CCDC73: variants seen among roughly 807,000 people sequenced by gnomAD.
CCDC73 encodes coiled-coil domain-containing protein 73.
In CCDC73, 95 loss-of-function variants were observed where a neutral mutation model predicts 116.5. That is an observed-to-expected ratio of 0.82 (90% CI 0.69 to 0.97). The LOEUF (loss-of-function observed/expected upper bound fraction) is 0.97, where lower values mean the gene tolerates loss of function less well. Among genes scored for constraint, CCDC73 ranks in the 50% least tolerant of loss-of-function variants. The pLI, the probability that CCDC73 is intolerant of heterozygous loss-of-function variation, is 0.00. For synonymous variants in CCDC73, 398 were observed against 401.3 expected (o/e 0.99, Z 0.10); for missense variants, 1,066 against 1,206.8 (o/e 0.88, Z 1.73).
the CCDC73 span, among the ~76,000 whole-genome samples, chr11:32,820,319 AT>A: frequency 2.0e-5 from 3 of 151,452 alleles, no homozygotes; most frequent in East Asian, 5.8e-4. Context: ...CGCCCCACTA[AT>A]TTTTCAGTTT....
intron 2 of CCDC73, chr11:32,758,460 A>G (rs1404736834): frequency 4.3e-6 from 2 of 468,450 alleles, no homozygotes; most frequent in African/African-American, 4.0e-5. Flanking sequence ...TAAAGTTCTT[A>G]TGAGGTTATC....
chr11:32,826,703 C>T, the CCDC73 span, among the ~76,000 whole-genome samples: 4 of 150,868 alleles, frequency 2.7e-5, no homozygotes, highest in African/African-American at 4.9e-5. Flanking sequence ...ACTACTTGGC[C>T]GATGACTATT....
intron 13 of CCDC73, among the ~76,000 whole-genome samples, chr11:32,637,262 CG>C (rs929055050): frequency 1.3e-5 from 2 of 151,974 alleles, no homozygotes; most frequent in African/African-American, 4.8e-5. Flanking sequence ...CCGCCCACCT[CG>C]GCCTCCCAAA....
chr11:32,772,234 G>T (rs75033470), intron 1 of CCDC73, among the ~76,000 whole-genome samples: 4,538 of 152,044 alleles, frequency 0.03, 85 homozygotes, highest in Non-Finnish European at 0.04. Context: ...TTTTCTCCAA[G>T]TTCCTTTTCT....
At chr11:32,635,035 T>G (rs1018545600) in intron 14 of CCDC73, among the ~76,000 whole-genome samples, 1 of 152,172 alleles carries the variant, frequency 6.6e-6, no homozygotes, top group Non-Finnish European at 1.5e-5. Flanking sequence ...TCCCAAGACA[T>G]AAAATATCCA....
intron 12 of CCDC73, among the ~76,000 whole-genome samples, chr11:32,647,570 T>C (rs1380932713): frequency 1.3e-5 from 2 of 152,210 alleles, no homozygotes; most frequent in East Asian, 3.8e-4. Flanking sequence ...GCTGAAAGTT[T>C]TGTCAAATGG....
rs751322318 is a variant in CCDC73 at position 32,702,830 on chromosome 11, C to T, written c.279+43G>A. The T allele has an allele frequency of 1.0e-5, 13 of 1,285,026 alleles. No homozygotes were observed. The East Asian group carries it at 1.4e-4, about 14-fold the overall frequency. 79.6% of individuals were successfully genotyped at this position (1,285,026 alleles called of 1,614,324 possible). A position where few individuals can be genotyped will look rare whatever the true frequency, so the allele number is the denominator to read the frequency against. The stretch of plus-strand genomic sequence containing the variant: ...ATATTCATAGGAGGGGGAGGAAATG[C>T]AATATTTAAAATGGTAGTGTTTGTC... On this transcript the variant is annotated intron_variant, in intron 4 of 17. Transcript: ENST00000335185.
At chr11:32,702,704 A>G (rs1272787612) in intron 4 of CCDC73, among the ~76,000 whole-genome samples, 169 bp downstream of exon 4, 1 of 152,180 alleles carries the variant, frequency 6.6e-6, no homozygotes, top group Non-Finnish European at 1.5e-5. Context: ...TTTACATTCT[A>G]TTGTCAGTTG....
chr11:32,605,264 G>T (rs942712033), intron 17 of CCDC73: 1 of 149,660 alleles, frequency 6.7e-6, no homozygotes, highest in African/African-American at 2.5e-5. Flanking sequence ...CTCCCTCCCT[G>T]AAATCCTATA....
rs1855739004 is a variant in CCDC73 at position 32,642,118 on chromosome 11, A to G, written c.940-36T>C. ...ATTAATTATCCAAAAAATAATCAATACCACATTAATGAATTCTGATGTGTT... is the reference window on the plus strand; with the variant it reads ...ATTAATTATCCAAAAAATAATCAATGCCACATTAATGAATTCTGATGTGTT... On this transcript the variant is annotated intron_variant, in intron 12 of 17. Coordinates refer to ENST00000335185, the MANE Select transcript of CCDC73 (RefSeq NM_001008391.4). The G allele has an allele frequency of 4.0e-6, 6 of 1,491,900 alleles. No homozygotes were observed. The South Asian group carries it at 8.8e-5, about 22-fold the overall frequency. The allele number at this position is 1,491,900 out of a possible 1,614,324, so 92.4% of individuals were successfully genotyped here.
intron 5 of CCDC73, 35 bp from the exon 6 acceptor site, chr11:32,699,360 A>G: frequency 1.3e-6 from 2 of 1,494,944 alleles, no homozygotes; most frequent in Non-Finnish European, 1.8e-6. Flanking sequence ...ATACTTTCCA[A>G]TGTAAATAAT....
intron 14 of CCDC73, among the ~76,000 whole-genome samples, chr11:32,625,678 T>C (rs1855564866): frequency 6.6e-6 from 1 of 152,092 alleles, no homozygotes; most frequent in African/African-American, 2.4e-5. Context: ...GTTCAACATA[T>C]GCAAATCAAT....
At chr11:32,810,042 G>A in the CCDC73 span, among the ~76,000 whole-genome samples, 4 of 152,162 alleles carry the variant, frequency 2.6e-5, no homozygotes, top group Admixed American at 2.0e-4. Context: ...TATATTATAT[G>A]TAAGCTGCAG....
In CCDC73 at chr11:32,635,846, A is replaced by T. The variant is rs1855672948; in HGVS notation, c.1051-16T>A. 1 of 1,098,194 alleles carries T rather than the reference A, an allele frequency of 9.1e-7. No homozygotes were observed. The highest frequency in any genetic ancestry group is 3.4e-5 in the Admixed American group (1 of 29,174). The allele number at this position is 1,098,194 out of a possible 1,614,324, so 68.0% of individuals were successfully genotyped here. On this transcript the variant is annotated splice_polypyrimidine_tract_variant and intron_variant, in intron 13 of 17. Coordinates refer to ENST00000335185, the MANE Select transcript of CCDC73 (RefSeq NM_001008391.4). ...GTTCTTCAGCCTATTATAAAAAAGG[A>T]ACCAGAATAAACAAGTATATCAAGT...
rs771966461 is a variant in CCDC73, at chr11:32,760,181, T to C, written c.63A>G (p.Thr21=). Residue 21 remains threonine (T), a synonymous_variant, in exon 2 of 18, where the codon ACA becomes ACG. Transcript: ENST00000335185. ...AATCTAATAGCTGAATAGAAAACAA[T>C]GTCTCTGAAGAACTTTGAAGAGTAA... ...STFTLQSSSE[T]LFSIQLLDFK... is the part of the protein sequence containing the mutation. 1 of 1,599,776 alleles carries C rather than the reference T, an allele frequency of 6.3e-7. No individual in the cohort carries two copies. Among genetic ancestry groups the C allele is most frequent in the Admixed American group, 1.7e-5 (1 of 58,466 alleles).
chr11:32,763,056 G>A (rs556624675), intron 1 of CCDC73, among the ~76,000 whole-genome samples: 5 of 152,274 alleles, frequency 3.3e-5, no homozygotes, highest in African/African-American at 7.2e-5. Context: ...GAGGAAGGGC[G>A]CCCACCATTG....
chr11:32,720,148 C>T (rs1032562807), intron 2 of CCDC73, among the ~76,000 whole-genome samples: 1 of 152,106 alleles, frequency 6.6e-6, no homozygotes, highest in Admixed American at 6.5e-5. Context: ...TCCTTAATAA[C>T]ATGTTAGCAA....
At chr11:32,666,729 G>C (rs1005617298) in intron 9 of CCDC73, among the ~76,000 whole-genome samples, 2 of 152,188 alleles carry the variant, frequency 1.3e-5, no homozygotes, top group African/African-American at 4.8e-5. Flanking sequence ...GAGGGGGAGA[G>C]GTACTCTGAT....
chr11:32,722,191 A>G (rs1849995754), intron 2 of CCDC73, among the ~76,000 whole-genome samples: 1 of 152,178 alleles, frequency 6.6e-6, no homozygotes, highest in Non-Finnish European at 1.5e-5. Context: ...AGTGATTTTC[A>G]TCATGCTTTC....
Sources: allele counts gnomAD v4.1 joint callset (sites outside exome capture counted in the v4.1 genomes callset), GRCh38; gene constraint gnomAD v4.1.1; transcripts MANE v1.5; gene names NCBI Gene and HGNC (gene_info 2026-07-23, HGNC 2026-07-21).